Variants in NDUFAF6 observed in about 807,000 individuals in gnomAD.
The protein encoded by NDUFAF6 is NADH:ubiquinone oxidoreductase complex assembly factor 6.
Under a neutral mutation model 40.8 loss-of-function variants are expected in NDUFAF6, and 45 were observed. The observed-to-expected ratio is 1.10, with a 90% confidence interval of 0.87 to 1.42. The LOEUF is 1.42. Among genes scored for constraint, NDUFAF6 ranks in the 40% most tolerant of loss-of-function variants. NDUFAF6 has a pLI of 0.00. For missense variants in NDUFAF6, 435 were observed against 418.5 expected (o/e 1.04, Z -0.34); for synonymous variants, 185 against 155.9 (o/e 1.19, Z -1.39).
intron 1 of NDUFAF6, among the ~76,000 whole-genome samples, chr8:95,028,336 G>A (rs773961095): frequency 7.2e-5 from 11 of 152,154 alleles, no homozygotes; most frequent in Non-Finnish European, 1.5e-4. Flanking sequence ...TCTGGGACTG[G>A]ATAATCTCAG....
chr8:95,054,706 A>T (rs1354823807), intron 8 of NDUFAF6, among the ~76,000 whole-genome samples: 1 of 152,074 alleles, frequency 6.6e-6, no homozygotes, highest in Non-Finnish European at 1.5e-5. Context: ...CAGTGCTGGG[A>T]TTACAGGCAT....
At chr8:94,976,395 TTGGGTGGC>T (rs373024135) in intron 1 of NDUFAF6, among the ~76,000 whole-genome samples, 21,625 of 149,586 alleles carry the variant, frequency 0.14, 1,722 homozygotes, top group Middle Eastern at 0.23. Flanking sequence ...TCCCAGCTAC[TTGGGTGGC>T]TGAGTTACGA....
At chr8:95,045,740 A>C in intron 5 of NDUFAF6, 93 bp downstream of exon 5, 1 of 959,662 alleles carries the variant, frequency 1.0e-6, no homozygotes, top group Non-Finnish European at 1.7e-6. Context: ...CCAGTTTAGC[A>C]CTAAAGCCTT....
intron 7 of NDUFAF6, among the ~76,000 whole-genome samples, chr8:95,049,310 TC>T (rs1831172369): frequency 6.6e-6 from 1 of 152,222 alleles, no homozygotes; most frequent in African/African-American, 2.4e-5. Context: ...GTTCCTGATT[TC>T]TCCTGCCTGT....
intron 2 of NDUFAF6, among the ~76,000 whole-genome samples, chr8:95,000,918 CAG>C (rs1358904770): frequency 6.6e-6 from 1 of 151,282 alleles, no homozygotes; most frequent in Non-Finnish European, 1.5e-5. Flanking sequence ...GCTTGGGCAA[CAG>C]AGTGAGGCTC....
At chr8:95,045,182 G>A (rs1264742992) in intron 4 of NDUFAF6, among the ~76,000 whole-genome samples, 1 of 152,032 alleles carries the variant, frequency 6.6e-6, no homozygotes, top group Non-Finnish European at 1.5e-5. Context: ...CTTGGAGGGG[G>A]GGTTGTTTGG....
intron 1 of NDUFAF6, chr8:94,930,563 A>G: frequency 6.2e-7 from 1 of 1,614,188 alleles, no homozygotes; most frequent in Non-Finnish European, 8.5e-7. Flanking sequence ...CCCTGGTAAG[A>G]TTTTGGCGAC....
chr8:95,064,065 G>GTTTTTTTTTCT (rs1369326100), intron 9 of NDUFAF6, among the ~76,000 whole-genome samples: 6 of 131,958 alleles, frequency 4.5e-5, no homozygotes, highest in Admixed American at 8.0e-5. Flanking sequence ...TTTTTTTTTG[G>GTTTTTTTTTCT]ATTTTTACTA....
intron 5 of NDUFAF6, among the ~76,000 whole-genome samples, chr8:95,116,060 C>A (rs1397887489): frequency 6.6e-6 from 1 of 152,038 alleles, no homozygotes; most frequent in Admixed American, 6.6e-5. Context: ...ATCGCTTGAA[C>A]CGGGGAGGCG....
At chr8:94,941,993 A>G (rs1821582787) in intron 1 of NDUFAF6, among the ~76,000 whole-genome samples, 1 of 151,586 alleles carries the variant, frequency 6.6e-6, no homozygotes, top group South Asian at 2.1e-4. Context: ...AAGCAGCAGC[A>G]GCTGGCAGTT....
chr8:95,039,978 C>G (rs1214207706), intron 3 of NDUFAF6, among the ~76,000 whole-genome samples: 1 of 152,178 alleles, frequency 6.6e-6, no homozygotes, highest in Non-Finnish European at 1.5e-5. Flanking sequence ...ACAATTTCAT[C>G]TAATTTTCCA....
chr8:95,105,060 CACACACAGAGAGAGAG>C (rs1433132346), downstream of NDUFAF6, among the ~76,000 whole-genome samples: 6 of 58,958 alleles, frequency 1.0e-4, no homozygotes, highest in South Asian at 2.5e-3. Context: ...CACACACACA[CACACACAGAGAGAGAG>C]AGAGAGAGAG....
Position 95,108,571 on chromosome 8 carries a change from T to C in NDUFAF6, n.344+5560T>C, listed in dbSNP as rs138969647. 1.4e-4 allele frequency among the ~76,000 whole-genome samples: 21 copies of C among 152,112 alleles called. No homozygotes were observed. The East Asian group carries it at 4.1e-3, about 29-fold the overall frequency. On this transcript the variant is annotated intron_variant and non_coding_transcript_variant, in intron 4 of 5. Coordinates refer to the NDUFAF6 transcript ENST00000523184. ...CCTGGGGGAAGGGACAAATTGGGAG[T>C]TATTGTTTAATGGGTAGAAAGTTTC...
Position 95,074,553 on chromosome 8 carries a change from C to T in NDUFAF6, c.*512-1080C>T, listed in dbSNP as rs758833714. Among the ~76,000 whole-genome samples the T allele has an allele frequency of 8.8e-5, 10 of 113,686 alleles. 2 individuals carry two copies. Among genetic ancestry groups the T allele is most frequent in the Non-Finnish European group, 1.7e-4 (9 of 52,292 alleles). 74.6% of individuals were successfully genotyped at this position (113,686 alleles called of 152,430 possible). A position where few individuals can be genotyped will look rare whatever the true frequency, so the allele number is the denominator to read the frequency against. ...TGTCCTATGTCTAAAACTGTACAGCCTTATGCACTACCTCCTAACTTCCCC... is the reference window on the plus strand; with the variant it reads ...TGTCCTATGTCTAAAACTGTACAGCTTTATGCACTACCTCCTAACTTCCCC... On this transcript the variant is annotated intron_variant and NMD_transcript_variant, in intron 9 of 9. Transcript: ENST00000520757.
rs76759623 is a variant in NDUFAF6, at chr8:94,933,250, C to T, written c.-935-12233C>T. Among the ~76,000 whole-genome samples the T allele has an allele frequency of 5.0e-3, 765 of 152,152 alleles. 3 individuals are homozygous for T. Among genetic ancestry groups the T allele is most frequent in the African/African-American group, 0.017 (689 of 41,510 alleles). On this transcript the variant is annotated intron_variant, in intron 1 of 14. Transcript: ENST00000396113. ...ATAAAATTCAGTGCCTTCCTTTGAC[C>T]CTTTATATATGGAAAAGTATGTATT... is the stretch of plus-strand genomic sequence containing the variant.
At chr8:95,001,603 T>C (rs181137128) in intron 2 of NDUFAF6, among the ~76,000 whole-genome samples, 109 of 152,308 alleles carry the variant, frequency 7.2e-4, no homozygotes, top group African/African-American at 2.5e-3. Context: ...CTTTTGGTAT[T>C]TTTTGCCCAG....
intron 2 of NDUFAF6, among the ~76,000 whole-genome samples, chr8:94,952,642 TAAA>T (rs958165412): frequency 5.9e-5 from 9 of 152,180 alleles, no homozygotes; most frequent in Non-Finnish European, 1.0e-4. Context: ...CTTTCTGAAA[TAAA>T]AACAGAAAAC....
chr8:95,098,665 C>T (rs187240372), upstream of NDUFAF6, among the ~76,000 whole-genome samples: 14 of 147,956 alleles, frequency 9.5e-5, no homozygotes, highest in South Asian at 1.1e-3. Flanking sequence ...AACGAAACTT[C>T]GTCTCAAACA....
At chr8:94,928,985 A>G (rs2131302812) in intron 1 of NDUFAF6, 1 of 152,774 alleles carries the variant, frequency 6.5e-6, no homozygotes, top group South Asian at 2.1e-4. Context: ...TGTTTACTTC[A>G]GAGGAAATCA....
Sources: gnomAD v4.1 joint callset for allele counts (sites outside exome capture counted in the v4.1 genomes callset) on GRCh38, gnomAD v4.1.1 for gene constraint, MANE v1.5 for transcripts, NCBI Gene and HGNC (gene_info 2026-07-23, HGNC 2026-07-21) for gene names.